The following ATP8A2 variants were observed in gnomAD, a reference collection of about 807,000 sequenced individuals.
ATP8A2 encodes the protein ATPase phospholipid transporting 8A2.
A neutral mutation model predicts 165.6 loss-of-function variants in ATP8A2; 100 were observed. That is an observed-to-expected ratio of 0.60 (90% CI 0.51 to 0.71). The LOEUF (loss-of-function observed/expected upper bound fraction) is 0.71. ATP8A2 is among the 30% of genes least tolerant of loss of function. ATP8A2 has a pLI of 0.00. For missense variants in ATP8A2, 1,227 were observed against 1,479.5 expected (o/e 0.83, Z 2.80); for synonymous variants, 543 against 548.8 (o/e 0.99, Z 0.15).
In ATP8A2 at chr13:25,530,002, G is replaced by T. The variant is rs939678367; in HGVS notation, c.225G>T (p.Thr75=). 1.2e-6 allele frequency: 2 copies of T among 1,601,050 alleles called. No individual in the cohort carries two copies. The highest frequency in any genetic ancestry group is 1.3e-5 in the African/African-American group (1 of 74,526). ...LNKFRDNQIS[T]AKYSVLTFLP... ...TTATTTTTCTTTGCACTTACAGTAC[G>T]GCCAAGTACAGCGTGTTGACATTTC... Residue 75 remains threonine, a synonymous_variant, in exon 3 of 37, where the codon ACG becomes ACT. Coordinates refer to ENST00000381655, the MANE Select transcript of ATP8A2 (RefSeq NM_016529.6).
intron 33 of ATP8A2, among the ~76,000 whole-genome samples, chr13:25,932,801 CTTAG>C (rs1411765774): frequency 6.6e-6 from 1 of 152,210 alleles, no homozygotes; most frequent in African/African-American, 2.4e-5. Context: ...TTTTCATCTT[CTTAG>C]TTAGGCTTCC....
chr13:25,814,051 G>A (rs781239352), intron 27 of ATP8A2, among the ~76,000 whole-genome samples: 14 of 151,492 alleles, frequency 9.2e-5, no homozygotes, highest in Admixed American at 3.9e-4. Context: ...TTCTAATTGC[G>A]TGAATCAATT....
chr13:26,022,117 T>G lies in ATP8A2; in HGVS notation c.*2132T>G, dbSNP rs1011972291. ...ACCCAGCAAGACGGAAGGACTGTCA[T>G]GCAGGAACTCTAACACAAAATGTGC... On this transcript the variant is annotated 3_prime_UTR_variant, in exon 37 of 37. Transcript: ENST00000381655. 4.6e-5 allele frequency: 7 copies of G among 152,184 alleles called. No homozygotes were observed. The highest frequency in any genetic ancestry group is 1.4e-4 in the African/African-American group (6 of 41,442). 9.4% of individuals were successfully genotyped at this position (152,184 alleles called of 1,614,324 possible).
intron 33 of ATP8A2, among the ~76,000 whole-genome samples, chr13:25,914,760 C>G (rs1954218473): frequency 6.6e-6 from 1 of 152,232 alleles, no homozygotes; most frequent in Non-Finnish European, 1.5e-5. Flanking sequence ...CCCCAGTCTC[C>G]TTAGAGGGGC....
chr13:25,993,221 G>A (rs1292196036), intron 35 of ATP8A2, among the ~76,000 whole-genome samples: 3 of 152,112 alleles, frequency 2.0e-5, no homozygotes, highest in Admixed American at 2.0e-4. Context: ...GGATGGCTGG[G>A]TCAAATGGTA....
At chr13:25,789,366 C>T (rs575707888) in intron 27 of ATP8A2, among the ~76,000 whole-genome samples, 1 of 152,206 alleles carries the variant, frequency 6.6e-6, no homozygotes, top group African/African-American at 2.4e-5. Flanking sequence ...CAGAAAACCC[C>T]ACTACTGATA....
At chr13:25,903,756 T>C (rs1337544527) in intron 33 of ATP8A2, among the ~76,000 whole-genome samples, 2 of 152,170 alleles carry the variant, frequency 1.3e-5, no homozygotes, top group Non-Finnish European at 2.9e-5. Flanking sequence ...TGGACCGACA[T>C]CGACACCTTA....
At chr13:25,531,263 A>ATATATGATATATATGATATATATGT (rs1566228859) in intron 4 of ATP8A2, among the ~76,000 whole-genome samples, 4 of 85,492 alleles carry the variant, frequency 4.7e-5, no homozygotes, top group African/African-American at 1.4e-4. Flanking sequence ...GATATATATG[A>ATATATGATATATATGATATATATGT]TATATATGAT....
At chr13:25,605,224 G>A (rs2040485756) in intron 24 of ATP8A2, among the ~76,000 whole-genome samples, 1 of 152,082 alleles carries the variant, frequency 6.6e-6, no homozygotes, top group Non-Finnish European at 1.5e-5. Flanking sequence ...CCTATATAAG[G>A]TAACTTATGT....
At chr13:25,606,193 G>T (rs960116514) in intron 24 of ATP8A2, among the ~76,000 whole-genome samples, 1 of 152,150 alleles carries the variant, frequency 6.6e-6, no homozygotes, top group Non-Finnish European at 1.5e-5. Flanking sequence ...CTTAATAGAT[G>T]GCTGCATAGC....
intron 25 of ATP8A2, among the ~76,000 whole-genome samples, chr13:25,722,453 C>T (rs1391987913): frequency 2.0e-5 from 3 of 152,204 alleles, no homozygotes; most frequent in Non-Finnish European, 2.9e-5. Context: ...CCATTATTGG[C>T]CTCAGCCTTG....
At chr13:25,672,487 G>A (rs2900869) in intron 24 of ATP8A2, among the ~76,000 whole-genome samples, 150,646 of 152,296 alleles carry the variant, frequency 0.99, 74,522 homozygotes, top group East Asian at 1. Flanking sequence ...TTTCTAGCAC[G>A]TTTGGCAAGG....
At chr13:25,726,729 A>G (rs988042321) in intron 25 of ATP8A2, among the ~76,000 whole-genome samples, 8 of 152,100 alleles carry the variant, frequency 5.3e-5, no homozygotes, top group Non-Finnish European at 1.0e-4. Context: ...AGTAACATTT[A>G]TAGGTTTCAG....
intron 1 of ATP8A2, among the ~76,000 whole-genome samples, chr13:25,377,538 G>A (rs111278686): frequency 0.019 from 2,947 of 152,290 alleles, 94 homozygotes; most frequent in African/African-American, 0.067. Flanking sequence ...AGTGGCTCAT[G>A]TCTGCAATCC....
At chr13:25,987,635 G>A (rs1166572465) in intron 35 of ATP8A2, among the ~76,000 whole-genome samples, 1 of 152,194 alleles carries the variant, frequency 6.6e-6, no homozygotes, top group East Asian at 1.9e-4. Flanking sequence ...CCAAGATGTT[G>A]CCAAGACCAC....
chr13:25,506,961 A>ATATATATATATATC (rs569215571), intron 2 of ATP8A2, among the ~76,000 whole-genome samples: 14 of 145,276 alleles, frequency 9.6e-5, no homozygotes, highest in Non-Finnish European at 1.7e-4. Context: ...ATATATATAT[A>ATATATATATATATC]TCTTATTTTA....
At chr13:25,883,524 C>T (rs1373832675) in intron 33 of ATP8A2, among the ~76,000 whole-genome samples, 1 of 152,200 alleles carries the variant, frequency 6.6e-6, no homozygotes, top group Non-Finnish European at 1.5e-5. Flanking sequence ...ACGGGACTGG[C>T]ATGGAATAAG....
At chr13:25,891,659 T>G (rs1953365688) in intron 33 of ATP8A2, among the ~76,000 whole-genome samples, 1 of 152,130 alleles carries the variant, frequency 6.6e-6, no homozygotes, top group African/African-American at 2.4e-5. Context: ...TTCATCCCTA[T>G]TAACTGATAA....
chr13:25,415,052 A>T (rs955089495), intron 1 of ATP8A2, among the ~76,000 whole-genome samples: 1 of 152,182 alleles, frequency 6.6e-6, no homozygotes, highest in African/African-American at 2.4e-5. Context: ...TTCGGAGAAA[A>T]GTGGCGTTGA....
Sources: gnomAD v4.1 joint callset for allele counts (sites outside exome capture counted in the v4.1 genomes callset) on GRCh38, gnomAD v4.1.1 for gene constraint, MANE v1.5 for transcripts, NCBI Gene and HGNC (gene_info 2026-07-23, HGNC 2026-07-21) for gene names.